The following DPY19L4 variants were observed in gnomAD, a reference collection of about 807,000 sequenced individuals.
DPY19L4 encodes the protein dpy-19 like 4.
In DPY19L4, 97 loss-of-function variants were observed where a neutral mutation model predicts 102.8. That is an observed-to-expected ratio of 0.94 (90% CI 0.80 to 1.12). The LOEUF (loss-of-function observed/expected upper bound fraction) is 1.12. DPY19L4 is among the 50% of genes most tolerant of loss of function. The pLI, the probability that DPY19L4 is intolerant of heterozygous loss-of-function variation, is 0.00. For missense variants in DPY19L4, 815 were observed against 850.4 expected, an observed-to-expected ratio of 0.96 and a Z score of 0.52; for synonymous variants, 252 against 283.1, an observed-to-expected ratio of 0.89 and a Z score of 1.10.
At chr8:94,737,647 G>A (rs1477600624) in intron 3 of DPY19L4, among the ~76,000 whole-genome samples, 1 of 151,920 alleles carries the variant, frequency 6.6e-6, no homozygotes, top group Non-Finnish European at 1.5e-5. Flanking sequence ...GCCGGGCGTG[G>A]TGGCGGGTGC....
rs745462309 is a variant in DPY19L4, at chr8:94,770,550, C to A, written c.1433C>A (p.Ser478Tyr). 15 of 1,613,012 alleles carry A rather than the reference C, an allele frequency of 9.3e-6. No homozygotes were observed. The highest frequency in any genetic ancestry group is 1.7e-5 in the Admixed American group (1 of 59,780). The change falls in exon 13 of 19, where the codon TCT becomes TAT. Residue 478 changes from serine to tyrosine, a missense_variant. Ser to Tyr is a moderately radical substitution (Grantham distance 144, BLOSUM62 -2). Coordinates refer to ENST00000414645, the MANE Select transcript of DPY19L4 (RefSeq NM_181787.3). ...YHVIHTILLGSLAMVIEGLKY... is the reference protein window; with the variant it reads ...YHVIHTILLGYLAMVIEGLKY... Reference sequence around the variant, plus strand: ...GTAATTCACACTATTTTATTGGGTTCTCTTGCAATGGTTATAGAAGGGTAA... The same window carrying A: ...GTAATTCACACTATTTTATTGGGTTATCTTGCAATGGTTATAGAAGGGTAA...
Position 94,761,829 on chromosome 8 carries a change from G to A in DPY19L4, c.865G>A (p.Asp289Asn), listed in dbSNP as rs199882887. 44 of 1,604,400 alleles carry A rather than the reference G, an allele frequency of 2.7e-5. No homozygotes were observed. In the East Asian group the frequency reaches 5.8e-4, roughly 21 times the overall value. ...AGATACCTTTTCAGTGGAGCAAAGT[G>A]ACAAGGTATTATGGCATTTTGAAAT... The part of the protein sequence containing the change: ...LLDTFSVEQS[D>N]KVYEVYKIYI... The change falls in exon 8 of 19, where the codon GAC (aspartate) becomes AAC (asparagine). Residue 289 changes from aspartate (D) to asparagine (N), a missense_variant. Transcript: ENST00000414645.
At chr8:94,755,719 T>C (rs1232362311) in intron 6 of DPY19L4, among the ~76,000 whole-genome samples, 1 of 152,116 alleles carries the variant, frequency 6.6e-6, no homozygotes, top group Non-Finnish European at 1.5e-5. Context: ...ACCCTGTCTC[T>C]ACTAAAAATA....
intron 2 of DPY19L4, among the ~76,000 whole-genome samples, chr8:94,733,690 C>G (rs746818890): frequency 6.6e-6 from 1 of 151,746 alleles, no homozygotes; most frequent in Non-Finnish European, 1.5e-5. Context: ...TACAGGCACC[C>G]GCCACCACAC....
rs745360330 is a variant in DPY19L4, at chr8:94,756,146, A to C, written c.722A>C (p.Asn241Thr). ...ALTGYLKSNLNTYGERFCYLL... is the reference protein window; with the variant it reads ...ALTGYLKSNLTTYGERFCYLL... ...ACAGGCTATTTAAAAAGCAACTTAA[A>C]TACTTATGGAGAGGTAAGATACAAA... Residue 241 changes from asparagine (N) to threonine (T), a missense_variant, in exon 7 of 19, where the codon AAT (asparagine) becomes ACT (threonine). Transcript: ENST00000414645. 4 of 1,613,508 alleles carry C rather than the reference A, an allele frequency of 2.5e-6. No individual in the cohort carries two copies. Among genetic ancestry groups the C allele is most frequent in the Admixed American group, 1.7e-5 (1 of 59,940 alleles).
chr8:94,728,748 T>TA (rs1490337542), intron 2 of DPY19L4, among the ~76,000 whole-genome samples: 1 of 152,244 alleles, frequency 6.6e-6, no homozygotes, highest in Non-Finnish European at 1.5e-5. Context: ...AGAATGTTAC[T>TA]AGAGTGCCTT....
intron 2 of DPY19L4, among the ~76,000 whole-genome samples, chr8:94,727,414 G>T (rs67763258): frequency 0.28 from 43,249 of 151,912 alleles, 6,456 homozygotes; most frequent in Non-Finnish European, 0.32. Context: ...TTGTATTTTT[G>T]GTAGAGACGG....
chr8:94,792,316 C>G lies in DPY19L4; in HGVS notation c.*2406C>G, dbSNP rs1023995258. The stretch of plus-strand genomic sequence containing the variant: ...GCGCGATCTTGGCTCACTGCAACCT[C>G]CGCTCGCTGCAACCTCCGCCTCCCA... On this transcript the variant is annotated 3_prime_UTR_variant, in exon 19 of 19. Transcript: ENST00000414645. 2 of 150,946 alleles carry G rather than the reference C, an allele frequency of 1.3e-5. No homozygotes were observed. The highest frequency in any genetic ancestry group is 5.0e-5 in the African/African-American group (2 of 40,200). The allele number at this position is 150,946 out of a possible 1,614,324, so 9.4% of individuals were successfully genotyped here.
chr8:94,735,857 G>T (rs1811167692), intron 3 of DPY19L4, among the ~76,000 whole-genome samples: 2 of 152,164 alleles, frequency 1.3e-5, no homozygotes. Context: ...AGCACTGATT[G>T]AGAGTTTACA....
At position 94,786,421 on chromosome 8, in the gene DPY19L4, G is replaced by A. The variant is rs57037817; in HGVS notation, c.1849-1473G>A. 5.6e-3 allele frequency among the ~76,000 whole-genome samples: 644 copies of A among 114,700 alleles called. 5 individuals are homozygous for A. The highest frequency in any genetic ancestry group is 0.032 in the East Asian group (126 of 3,926). 75.2% of individuals were successfully genotyped at this position (114,700 alleles called of 152,430 possible). On this transcript the variant is annotated intron_variant, in intron 17 of 18. Transcript: ENST00000414645. Reference sequence around the variant, plus strand: ...ATTACAGGAGTGAGCTACCATGCCCGGCCATTTATTTATTTATTTATTTAT... The same window carrying A: ...ATTACAGGAGTGAGCTACCATGCCCAGCCATTTATTTATTTATTTATTTAT...
intron 1 of DPY19L4, among the ~76,000 whole-genome samples, chr8:94,725,056 A>T (rs941697817): frequency 6.6e-6 from 1 of 152,164 alleles, no homozygotes; most frequent in East Asian, 1.9e-4. Flanking sequence ...TAGTGAACAT[A>T]CAAGTTTGCT....
intron 12 of DPY19L4, among the ~76,000 whole-genome samples, chr8:94,770,031 G>A (rs1812855789): frequency 6.6e-6 from 1 of 151,770 alleles, no homozygotes; most frequent in South Asian, 2.1e-4. Flanking sequence ...AAGATTACAG[G>A]CATGTGCCAC....
chr8:94,738,336 T>A, intron 3 of DPY19L4, 33 bp from the exon 4 acceptor site: 1 of 1,174,728 alleles, frequency 8.5e-7, no homozygotes, highest in African/African-American at 1.7e-5. Context: ...AAAAAAAAAT[T>A]AAATTTTAAA....
intron 2 of DPY19L4, among the ~76,000 whole-genome samples, chr8:94,732,328 T>G (rs1211259265): frequency 6.6e-6 from 1 of 152,190 alleles, no homozygotes; most frequent in Non-Finnish European, 1.5e-5. Flanking sequence ...CTTATTATAC[T>G]CAATGGCTGT....
intron 6 of DPY19L4, among the ~76,000 whole-genome samples, chr8:94,753,028 A>G (rs1254580612): frequency 2.7e-5 from 4 of 149,904 alleles, no homozygotes; most frequent in African/African-American, 4.9e-5. Flanking sequence ...AAAAAACCTG[A>G]CAGTTTTACT....
chr8:94,720,988 C>T (rs1168734902), intron 1 of DPY19L4, among the ~76,000 whole-genome samples: 1 of 152,024 alleles, frequency 6.6e-6, no homozygotes, highest in Non-Finnish European at 1.5e-5. Flanking sequence ...TTCTTGTTGC[C>T]CAGTCTAGAG....
At chr8:94,736,628 A>G (rs1277111603) in intron 3 of DPY19L4, among the ~76,000 whole-genome samples, 2 of 152,214 alleles carry the variant, frequency 1.3e-5, no homozygotes, top group African/African-American at 4.8e-5. Context: ...GATTCAGTCT[A>G]AAAAGCACAA....
intron 1 of DPY19L4, among the ~76,000 whole-genome samples, chr8:94,724,683 G>A (rs1810612576): frequency 6.6e-6 from 1 of 152,138 alleles, no homozygotes; most frequent in Admixed American, 6.6e-5. Context: ...CACCTACTGG[G>A]TTCAAGTGAT....
At chr8:94,739,301 A>C in intron 4 of DPY19L4, 112 bp from the exon 5 acceptor site, 1 of 1,273,586 alleles carries the variant, frequency 7.9e-7, no homozygotes. Flanking sequence ...AGCATGGAGT[A>C]TTCTATTTGG....
Sources: gnomAD v4.1 joint callset for allele counts (sites outside exome capture counted in the v4.1 genomes callset) on GRCh38, gnomAD v4.1.1 for gene constraint, MANE v1.5 for transcripts, NCBI Gene and HGNC (gene_info 2026-07-23, HGNC 2026-07-21) for gene names.